Variants in GCN1 observed in about 807,000 individuals in gnomAD.
GCN1 encodes the protein stalled ribosome sensor GCN1.
In GCN1, 90 loss-of-function variants were observed where a neutral mutation model predicts 288.4. That is an observed-to-expected ratio of 0.31 (90% CI 0.26 to 0.37). The LOEUF (loss-of-function observed/expected upper bound fraction) is 0.37. GCN1 is among the 10% of genes least tolerant of loss of function. GCN1 has a pLI of 1.00. For missense variants in GCN1, 2,586 were observed against 3,419.9 expected, an observed-to-expected ratio of 0.76 and a Z score of 6.08; for synonymous variants, 1,386 against 1,420.2, an observed-to-expected ratio of 0.98 and a Z score of 0.54.
chr12:120,182,275 G>T (rs1878690501), intron 5 of GCN1, among the ~76,000 whole-genome samples: 1 of 152,080 alleles, frequency 6.6e-6, no homozygotes, highest in African/African-American at 2.4e-5. Context: ...ATCCAAGAGA[G>T]TCCCAGCTCA....
Position 120,153,777 on chromosome 12 carries a change from A to C in GCN1, c.3834T>G (p.Asp1278Glu). ...RHPDVRKCML[D>E]AALATLNTHG... The stretch of plus-strand genomic sequence containing the variant: ...GAGTGTTGAGCGTTGCGAGGGCTGC[A>C]TCCAACATGCACTTCCGGACATCTG... The change falls in exon 32 of 58, where the codon GAT becomes GAG. Residue 1278 changes from aspartate to glutamate, a missense_variant. Physicochemically the swap from Asp to Glu is conservative, Grantham distance 45. Transcript: ENST00000300648. This position sits in a 1 kb window ranked among gnomAD's most constrained non-coding sequence, Gnocchi z 4.4. 2 of 1,614,168 alleles carry C rather than the reference A, an allele frequency of 1.2e-6. No homozygotes were observed. The highest frequency in any genetic ancestry group is 1.7e-6 in the Non-Finnish European group (2 of 1,180,012).
chr12:120,174,796 A>G (rs2139130422), intron 12 of GCN1, among the ~76,000 whole-genome samples: 1 of 149,262 alleles, frequency 6.7e-6, no homozygotes, highest in Admixed American at 6.7e-5. Context: ...TCTCAAAAAA[A>G]AAAAAAAAAA....
In GCN1 at chr12:120,173,643, G is replaced by A. The variant is rs753833611; in HGVS notation, c.1366+10C>T. 3 of 1,568,596 alleles carry A rather than the reference G, an allele frequency of 1.9e-6. No individual in the cohort carries two copies. In the African/African-American group the frequency reaches 4.1e-5, roughly 21 times the overall value. Reference sequence around the variant, plus strand: ...GGAGACCTGGACACTAGCCCTGGGAGTTGTCTTACCCCGGTAAGAGGCCAA... The same window carrying A: ...GGAGACCTGGACACTAGCCCTGGGAATTGTCTTACCCCGGTAAGAGGCCAA... On this transcript the variant is annotated intron_variant, in intron 14 of 57. Coordinates refer to ENST00000300648, the MANE Select transcript of GCN1 (RefSeq NM_006836.2).
intron 22 of GCN1, 90 bp from the exon 23 acceptor site, chr12:120,160,345 C>G: frequency 1.2e-6 from 1 of 869,440 alleles, no homozygotes; most frequent in Non-Finnish European, 1.9e-6. Context: ...TCCACACAAA[C>G]AGCACCATAC....
intron 16 of GCN1, among the ~76,000 whole-genome samples, chr12:120,164,988 T>C (rs1340359543): frequency 6.2e-5 from 8 of 128,922 alleles, no homozygotes; most frequent in Middle Eastern, 3.8e-3. Flanking sequence ...TACATATACA[T>C]ATATACACAT....
At chr12:120,131,095 C>A (rs1876802157) in intron 55 of GCN1, 90 bp downstream of exon 55, 2 of 1,180,246 alleles carry the variant, frequency 1.7e-6, no homozygotes, top group Non-Finnish European at 2.5e-6. Flanking sequence ...GCTTCTTAAG[C>A]CCCAGTCTGG....
chr12:120,167,777 A>T (rs1162372560), intron 16 of GCN1, among the ~76,000 whole-genome samples: 1 of 152,152 alleles, frequency 6.6e-6, no homozygotes, highest in Non-Finnish European at 1.5e-5. Context: ...GACACTCCTA[A>T]GGCAACGTAG....
At position 120,156,616 on chromosome 12, in the gene GCN1, A is replaced by AT. The variant is rs771449024; in HGVS notation, c.3169-13dup. ...TCTGAAGCCAGAACCTAAGGAGAAC[A>AT]TCAATCCACTGGTTCAGTCAGCAAC... On this transcript the variant is annotated splice_polypyrimidine_tract_variant and intron_variant, in intron 27 of 57. Transcript: ENST00000300648. The surrounding 1 kb of genome is among the most constrained non-coding windows in gnomAD (Gnocchi z 5.8). 1 of 1,613,572 alleles carries AT rather than the reference A, an allele frequency of 6.2e-7. No homozygotes were observed. Among genetic ancestry groups the AT allele is most frequent in the South Asian group, 1.1e-5 (1 of 91,052 alleles).
Position 120,173,769 on chromosome 12 carries a change from A to T in GCN1, c.1250T>A (p.Phe417Tyr), listed in dbSNP as rs186826705. ...VSVLALWCNR[F>Y]TMEVPKKLTE... The stretch of plus-strand genomic sequence containing the variant: ...GAGCTTCTTGGGCACTTCCATAGTG[A>T]ATCGGTTACACCAGAGAGCCAGGAC... The change falls in exon 14 of 58, where the codon TTC (phenylalanine) becomes TAC (tyrosine). Residue 417 changes from phenylalanine to tyrosine, a missense_variant. This residue lies in a region of GCN1 where 913 missense variants were observed against 1,107.0 expected (regional missense o/e 0.82). Transcript: ENST00000300648. 18 of 1,613,840 alleles carry T rather than the reference A, an allele frequency of 1.1e-5. No homozygotes were observed. Among genetic ancestry groups the T allele is most frequent in the Non-Finnish European group, 1.4e-5 (17 of 1,179,668 alleles).
At chr12:120,150,568 G>A (rs1298297628) in intron 34 of GCN1, among the ~76,000 whole-genome samples, 1 of 149,962 alleles carries the variant, frequency 6.7e-6, no homozygotes, top group Non-Finnish European at 1.5e-5. Flanking sequence ...AGACAGAGTG[G>A]GACTCCATCT....
Position 120,150,061 on chromosome 12 carries a change from G to A in GCN1, c.4310-18C>T. 1 of 1,613,000 alleles carries A rather than the reference G, an allele frequency of 6.2e-7. No individual in the cohort carries two copies. The highest frequency in any genetic ancestry group is 8.5e-7 in the Non-Finnish European group (1 of 1,179,700). On this transcript the variant is annotated intron_variant, in intron 34 of 57. Coordinates refer to ENST00000300648, the MANE Select transcript of GCN1 (RefSeq NM_006836.2). ...GAGGGCTCCTAGGGGAAAAGAAGGT[G>A]GGACGGCTGGGAAGAGAATGTCCCC...
At position 120,142,070 on chromosome 12, in the gene GCN1, T is replaced by C. The variant is rs1229123678; in HGVS notation, c.5829+437A>G. ...GGCCAGGCGTGGTGGCTCAAGCCTG[T>C]AATCCCAGCACTTTGGGAGGCCGAG... On this transcript the variant is annotated intron_variant, in intron 44 of 57. Coordinates refer to ENST00000300648, the MANE Select transcript of GCN1 (RefSeq NM_006836.2). This position sits in a 1 kb window ranked among gnomAD's most constrained non-coding sequence, Gnocchi z 4.9. Among the ~76,000 whole-genome samples, 1 of 152,192 alleles carries C rather than the reference T, an allele frequency of 6.6e-6. No homozygotes were observed. Among genetic ancestry groups the C allele is most frequent in the Non-Finnish European group, 1.5e-5 (1 of 68,036 alleles).
chr12:120,178,832 A>T lies in GCN1; in HGVS notation c.525+20T>A. The T allele has an allele frequency of 6.2e-7, 1 of 1,613,054 alleles. No individual in the cohort carries two copies. The highest frequency in any genetic ancestry group is 8.5e-7 in the Non-Finnish European group (1 of 1,178,990). ...TGGCATGGAAGAAGCAATGCCCACC[A>T]GCCCCTGCAGTCCTGTCACCTCTTT... On this transcript the variant is annotated intron_variant, in intron 6 of 57. Transcript: ENST00000300648.
In GCN1 at chr12:120,158,051, T is replaced by A; in HGVS notation, c.2906-21A>T. 1 of 1,611,464 alleles carries A rather than the reference T, an allele frequency of 6.2e-7. No individual in the cohort carries two copies. The highest frequency in any genetic ancestry group is 8.5e-7 in the Non-Finnish European group (1 of 1,178,282). On this transcript the variant is annotated intron_variant, in intron 25 of 57. Coordinates refer to ENST00000300648, the MANE Select transcript of GCN1 (RefSeq NM_006836.2). This position sits in a 1 kb window ranked among gnomAD's most constrained non-coding sequence, Gnocchi z 4.3. ...AGCACCTGTGAGAGCGAGAAGCAGA[T>A]AAGATTCTGCAGGCAGGGCAGGGAC... is the stretch of plus-strand genomic sequence containing the variant.
intron 33 of GCN1, 78 bp from the exon 34 acceptor site, chr12:120,151,469 C>T (rs1055164329): frequency 4.4e-5 from 63 of 1,443,892 alleles, no homozygotes; most frequent in Non-Finnish European, 5.7e-5. Flanking sequence ...GACCATTCTA[C>T]ACAGCACCCA....
rs79724902 is a variant in GCN1 at position 120,141,362 on chromosome 12, G to A, written c.5830-339C>T. Reference sequence around the variant, plus strand: ...AACACTGTGCTATGGCTGAGCAGGAGCCGAATCTGGAACAAAGCTTTAAGG... The same window carrying A: ...AACACTGTGCTATGGCTGAGCAGGAACCGAATCTGGAACAAAGCTTTAAGG... On this transcript the variant is annotated intron_variant, in intron 44 of 57. Coordinates refer to ENST00000300648, the MANE Select transcript of GCN1 (RefSeq NM_006836.2). Among the ~76,000 whole-genome samples, 852 of 152,246 alleles carry A rather than the reference G, an allele frequency of 5.6e-3. 10 individuals carry two copies. Among genetic ancestry groups the A allele is most frequent in the African/African-American group, 0.02 (811 of 41,544 alleles).
intron 7 of GCN1, 149 bp downstream of exon 7, chr12:120,178,476 C>CTCT (rs1230396343): frequency 6.6e-5 from 50 of 753,378 alleles, no homozygotes; most frequent in South Asian, 5.7e-4. Flanking sequence ...TGGCAAAAGG[C>CTCT]CAGAGTCTCA....
chr12:120,147,781 G>A (rs1594266863), intron 37 of GCN1, among the ~76,000 whole-genome samples: 1 of 152,156 alleles, frequency 6.6e-6, no homozygotes, highest in Admixed American at 6.5e-5. Context: ...TGTTCCTAGC[G>A]ATCGACCTCT....
chr12:120,135,088 C>T (rs1349303420), intron 51 of GCN1, among the ~76,000 whole-genome samples: 2 of 152,180 alleles, frequency 1.3e-5, no homozygotes, highest in Non-Finnish European at 2.9e-5. Flanking sequence ...GGCAGACTAT[C>T]GGCAGTACTG....
Sources: allele counts gnomAD v4.1 joint callset (sites outside exome capture counted in the v4.1 genomes callset), GRCh38; gene constraint gnomAD v4.1.1; regional missense constraint gnomAD v4.1.1; non-coding constraint Gnocchi (gnomAD v3.1); transcripts MANE v1.5; gene names NCBI Gene and HGNC (gene_info 2026-07-23, HGNC 2026-07-21).